The following RUFY3 variants were observed in gnomAD, a reference collection of about 807,000 sequenced individuals.
RUFY3 encodes the protein RUN and FYVE domain containing 3.
RUFY3 carries 34 observed loss-of-function variants against 84.0 expected under a neutral mutation model. The ratio of observed to expected loss-of-function variants is 0.40; its 90% CI spans 0.31 to 0.54. The LOEUF (loss-of-function observed/expected upper bound fraction) is 0.54. RUFY3 is among the 20% of genes least tolerant of loss of function. RUFY3 has a pLI of 0.39. For missense variants in RUFY3, 507 were observed against 736.8 expected, an observed-to-expected ratio of 0.69 and a Z score of 3.61; for synonymous variants, 242 against 252.9, an observed-to-expected ratio of 0.96 and a Z score of 0.41.
intron 1 of RUFY3, among the ~76,000 whole-genome samples, chr4:70,751,248 T>C (rs1029410511): frequency 1.3e-5 from 2 of 152,132 alleles, no homozygotes; most frequent in African/African-American, 2.4e-5. Flanking sequence ...TCAGTGTCTA[T>C]TGTTGGCATT....
chr4:70,705,340 T>G, intron 1 of RUFY3: 1 of 1,279,332 alleles, frequency 7.8e-7, no homozygotes, highest in East Asian at 3.2e-5. Flanking sequence ...AAGGGAGCAT[T>G]CGGCTGGGGA....
At chr4:70,709,365 A>G (rs866775472) in intron 1 of RUFY3, among the ~76,000 whole-genome samples, 1 of 152,224 alleles carries the variant, frequency 6.6e-6, no homozygotes, top group Non-Finnish European at 1.5e-5. Context: ...TAAATGTTTC[A>G]TAATACATAA....
chr4:70,765,023 TA>T (rs1318398670), intron 4 of RUFY3, among the ~76,000 whole-genome samples: 1 of 151,454 alleles, frequency 6.6e-6, no homozygotes, highest in South Asian at 2.1e-4. Flanking sequence ...CTATCTCTAC[TA>T]AAAAAATATA....
At chr4:70,732,904 A>T (rs1456227350) in intron 1 of RUFY3, among the ~76,000 whole-genome samples, 3 of 151,972 alleles carry the variant, frequency 2.0e-5, no homozygotes, top group Non-Finnish European at 4.4e-5. Flanking sequence ...AACTTAAAGT[A>T]TTAAAAAAAA....
At chr4:70,735,691 A>T (rs1435276927) in intron 1 of RUFY3, among the ~76,000 whole-genome samples, 1 of 151,656 alleles carries the variant, frequency 6.6e-6, no homozygotes, top group African/African-American at 2.4e-5. Flanking sequence ...AAAAAATAAA[A>T]ATTAGCTGGG....
chr4:70,708,097 T>A (rs1740542751), intron 1 of RUFY3, among the ~76,000 whole-genome samples: 1 of 152,236 alleles, frequency 6.6e-6, no homozygotes, highest in African/African-American at 2.4e-5. Flanking sequence ...CACTCCTGCC[T>A]GAGCAACAGA....
chr4:70,787,027 A>G lies in RUFY3; in HGVS notation c.1072-1779A>G, dbSNP rs529246545. On this transcript the variant is annotated intron_variant, in intron 10 of 17. Transcript: ENST00000381006. ...CTCTACAAAAATTACAAAATTAACC[A>G]TGCTTGATAGTACATGCCTGTATTC... is the stretch of plus-strand genomic sequence containing the variant. 4.8e-4 allele frequency among the ~76,000 whole-genome samples: 73 copies of G among 151,204 alleles called. 1 individual carries two copies. Among genetic ancestry groups the G allele is most frequent in the African/African-American group, 1.5e-3 (62 of 41,266 alleles).
At chr4:70,736,265 T>G (rs1720277391) in intron 1 of RUFY3, among the ~76,000 whole-genome samples, 1 of 152,164 alleles carries the variant, frequency 6.6e-6, no homozygotes, top group South Asian at 2.1e-4. Context: ...ATATTTGCAT[T>G]GTAAGTCACA....
At chr4:70,762,145 G>A (rs1725141645) in intron 1 of RUFY3, among the ~76,000 whole-genome samples, 1 of 152,158 alleles carries the variant, frequency 6.6e-6, no homozygotes, top group African/African-American at 2.4e-5. Flanking sequence ...GTGAGACCAT[G>A]TCTCTACAGA....
At chr4:70,747,274 G>A (rs1260695977) in intron 1 of RUFY3, among the ~76,000 whole-genome samples, 1 of 152,104 alleles carries the variant, frequency 6.6e-6, no homozygotes, top group East Asian at 1.9e-4. Flanking sequence ...AAGAACAACT[G>A]TAAAAATACA....
chr4:70,761,722 A>G (rs1725066561), intron 1 of RUFY3, among the ~76,000 whole-genome samples: 2 of 152,242 alleles, frequency 1.3e-5, no homozygotes, highest in South Asian at 4.1e-4. Flanking sequence ...GATGAGAGCC[A>G]TACACTGTAT....
In RUFY3 at chr4:70,771,267, T is replaced by A. The variant is rs189260489; in HGVS notation, c.697-2244T>A. On this transcript the variant is annotated intron_variant, in intron 5 of 17. Coordinates refer to ENST00000381006, the MANE Select transcript of RUFY3 (RefSeq NM_001037442.4). ...CCACAAACCTTCAATTTGTAAAAAATGCAATATCTGTGAAGCAAAGTGCAA... is the reference window on the plus strand; with the variant it reads ...CCACAAACCTTCAATTTGTAAAAAAAGCAATATCTGTGAAGCAAAGTGCAA... 2.8e-4 allele frequency among the ~76,000 whole-genome samples: 43 copies of A among 152,164 alleles called. No homozygotes were observed. The East Asian group carries it at 8.3e-3, about 29-fold the overall frequency.
At chr4:70,733,100 GA>G (rs757246931) in intron 1 of RUFY3, among the ~76,000 whole-genome samples, 5,709 of 76,830 alleles carry the variant, frequency 0.074, 538 homozygotes, top group African/African-American at 0.28. Flanking sequence ...AGAGAGGAGA[GA>G]GAGAGAGAGA....
chr4:70,753,581 C>T (rs1723484438), intron 1 of RUFY3, among the ~76,000 whole-genome samples: 1 of 152,026 alleles, frequency 6.6e-6, no homozygotes, highest in African/African-American at 2.4e-5. Flanking sequence ...AAGTGCAAAA[C>T]CTGATTCAGT....
At chr4:70,750,145 AG>A (rs1303540508) in intron 1 of RUFY3, among the ~76,000 whole-genome samples, 2 of 152,090 alleles carry the variant, frequency 1.3e-5, no homozygotes, top group Non-Finnish European at 2.9e-5. Context: ...CCGAGTAGCT[AG>A]GGCTATGGGT....
intron 15 of RUFY3, among the ~76,000 whole-genome samples, chr4:70,800,532 G>C (rs997324706): frequency 6.6e-6 from 1 of 152,132 alleles, no homozygotes; most frequent in Non-Finnish European, 1.5e-5. Context: ...GTCATACATA[G>C]CATTTCTTAA....
chr4:70,793,006 G>C (rs987612412), intron 12 of RUFY3: 2 of 985,270 alleles, frequency 2.0e-6, no homozygotes, highest in Non-Finnish European at 2.4e-6. Flanking sequence ...CATAGCATGC[G>C]TTTAAATTCT....
chr4:70,763,435 C>A, intron 2 of RUFY3, 117 bp from the exon 3 acceptor site: 1 of 705,948 alleles, frequency 1.4e-6, no homozygotes, highest in Non-Finnish European at 2.4e-6. Flanking sequence ...GAATCCAAAA[C>A]CATCTTATAA....
At chr4:70,715,420 C>G (rs1459115433) in intron 1 of RUFY3, among the ~76,000 whole-genome samples, 1 of 151,620 alleles carries the variant, frequency 6.6e-6, no homozygotes, top group Non-Finnish European at 1.5e-5. Context: ...CCTGTCTCTA[C>G]TAAAAAAACA....
Sources: gnomAD v4.1 joint callset for allele counts (sites outside exome capture counted in the v4.1 genomes callset) on GRCh38, gnomAD v4.1.1 for gene constraint, MANE v1.5 for transcripts, NCBI Gene and HGNC (gene_info 2026-07-23, HGNC 2026-07-21) for gene names.